The following STK32B variants were observed in gnomAD, a reference collection of about 807,000 sequenced individuals.
The protein encoded by STK32B is serine/threonine-protein kinase 32B.
STK32B carries 43 observed loss-of-function variants against 52.6 expected under a neutral mutation model. The observed-to-expected ratio is 0.82, with a 90% CI of 0.64 to 1.05. STK32B has a LOEUF of 1.05. Among genes scored for constraint, STK32B ranks in the 50% least tolerant of loss-of-function variants. The pLI, the probability that STK32B is intolerant of heterozygous loss-of-function variation, is 0.00. For missense variants in STK32B, 621 were observed against 534.6 expected (o/e 1.16, Z -1.59); for synonymous variants, 238 against 204.3 (o/e 1.17, Z -1.41).
rs549412323 is a variant in STK32B, at chr4:5,286,044, G to A, written c.261-45176G>A. On this transcript the variant is annotated intron_variant, in intron 3 of 11. Coordinates refer to ENST00000282908, the MANE Select transcript of STK32B (RefSeq NM_018401.3). ...GAGGATCATTATGTGGTGAGAAGAC[G>A]GCCGTCTACAAGCCAAGGAGAGAGG... Among the ~76,000 whole-genome samples the A allele has an allele frequency of 3.9e-5, 6 of 151,900 alleles. No individual in the cohort carries two copies. In the South Asian group the frequency reaches 1.3e-3, roughly 32 times the overall value.
intron 4 of STK32B, among the ~76,000 whole-genome samples, chr4:5,336,640 A>G (rs1732716418): frequency 6.6e-6 from 1 of 152,210 alleles, no homozygotes; most frequent in African/African-American, 2.4e-5. Context: ...CTCAAAATAT[A>G]TGCTGGAAGA....
intron 3 of STK32B, among the ~76,000 whole-genome samples, chr4:5,304,583 AT>A (rs1421616901): frequency 6.6e-6 from 1 of 151,952 alleles, no homozygotes; most frequent in Admixed American, 6.6e-5. Flanking sequence ...AGCTTTTTCG[AT>A]GAGTCTTTAG....
At chr4:5,447,000 AG>A (rs1241273734) in intron 7 of STK32B, 1 of 497,482 alleles carries the variant, frequency 2.0e-6, no homozygotes, top group Non-Finnish European at 3.7e-6. Context: ...TCAGTGGGGG[AG>A]GGTCTTACAC....
intron 3 of STK32B, among the ~76,000 whole-genome samples, chr4:5,246,121 C>T (rs1041314468): frequency 2.6e-5 from 4 of 152,128 alleles, no homozygotes; most frequent in African/African-American, 9.7e-5. Context: ...TGTTGGCCTG[C>T]CTTGCTAGAT....
In STK32B at chr4:5,140,379, T is replaced by G. The variant is rs1716346917; in HGVS notation, c.108+419T>G. The G allele has an allele frequency of 3.6e-6, 4 of 1,097,872 alleles. No homozygotes were observed. The South Asian group carries it at 8.1e-5, about 22-fold the overall frequency. The allele number at this position is 1,097,872 out of a possible 1,614,324, so 68.0% of individuals were successfully genotyped here. ...GAAGGCTAGGAGAAGATGGCAGGAG[T>G]TTTTAGAAAACAAAAATACTCCCCC... On this transcript the variant is annotated intron_variant, in intron 2 of 11. Transcript: ENST00000282908.
intron 3 of STK32B, among the ~76,000 whole-genome samples, chr4:5,328,809 A>C (rs1198695346): frequency 6.6e-6 from 1 of 152,150 alleles, no homozygotes; most frequent in Non-Finnish European, 1.5e-5. Flanking sequence ...CAGTAAAACA[A>C]GGTAGTCCTG....
intron 3 of STK32B, among the ~76,000 whole-genome samples, chr4:5,308,242 G>A (rs1213099052): frequency 1.3e-5 from 2 of 152,148 alleles, no homozygotes; most frequent in Non-Finnish European, 2.9e-5. Flanking sequence ...CACAGAGCCT[G>A]CAGCATCAGT....
rs149079205 is a variant in STK32B, at chr4:5,447,045, A to G, written c.666+269A>G. On this transcript the variant is annotated intron_variant, in intron 7 of 11. Coordinates refer to ENST00000282908, the MANE Select transcript of STK32B (RefSeq NM_018401.3). The stretch of plus-strand genomic sequence containing the variant: ...ACAGCGGATCAGTGACAAGTCAAAC[A>G]TCAAAGCGCCTTGGCCTCGTGGTTT... 1.1e-3 allele frequency: 352 copies of G among 331,392 alleles called. 1 individual carries two copies. Among genetic ancestry groups the G allele is most frequent in the Admixed American group, 2.2e-3 (51 of 23,672 alleles). The allele number at this position is 331,392 out of a possible 1,614,324, so 20.5% of individuals were successfully genotyped here. A position where few individuals can be genotyped will look rare whatever the true frequency, so the allele number is the denominator to read the frequency against.
chr4:5,420,660 C>T (rs184871567), intron 6 of STK32B, among the ~76,000 whole-genome samples: 56 of 152,200 alleles, frequency 3.7e-4, no homozygotes, highest in African/African-American at 7.2e-4. Context: ...GGCAGAGAAC[C>T]GATTCTGAGG....
At chr4:5,065,838 C>T (rs1216441939) in intron 1 of STK32B, among the ~76,000 whole-genome samples, 1 of 152,140 alleles carries the variant, frequency 6.6e-6, no homozygotes, top group African/African-American at 2.4e-5. Context: ...ATTCTCCTGC[C>T]TCAGCCTGCC....
intron 6 of STK32B, among the ~76,000 whole-genome samples, chr4:5,438,735 G>C (rs187400633): frequency 6.6e-6 from 1 of 152,244 alleles, no homozygotes; most frequent in South Asian, 2.1e-4. Context: ...TATATCTCCC[G>C]ATGCTATCCC....
intron 3 of STK32B, among the ~76,000 whole-genome samples, chr4:5,196,029 G>A (rs563955805): frequency 1.3e-5 from 2 of 152,252 alleles, no homozygotes; most frequent in East Asian, 1.9e-4. Context: ...GCCTGAGACC[G>A]GGCCTTTCAT....
At chr4:5,260,292 CAT>C (rs1726623129) in intron 3 of STK32B, among the ~76,000 whole-genome samples, 1 of 152,192 alleles carries the variant, frequency 6.6e-6, no homozygotes, top group African/African-American at 2.4e-5. Flanking sequence ...TCAAGATTTT[CAT>C]ATGTTAAACA....
chr4:5,291,070 T>C (rs920024511), intron 3 of STK32B, among the ~76,000 whole-genome samples: 2 of 152,178 alleles, frequency 1.3e-5, no homozygotes, highest in Middle Eastern at 3.2e-3. Context: ...TTTATGCCAA[T>C]GCCACACTGT....
intron 3 of STK32B, among the ~76,000 whole-genome samples, chr4:5,187,450 G>C (rs886625451): frequency 6.6e-6 from 1 of 152,180 alleles, no homozygotes; most frequent in African/African-American, 2.4e-5. Flanking sequence ...GGATGTTACT[G>C]TCTCGTTTAC....
At chr4:5,410,791 C>T (rs1198073440) in intron 5 of STK32B, among the ~76,000 whole-genome samples, 1 of 152,160 alleles carries the variant, frequency 6.6e-6, no homozygotes, top group Non-Finnish European at 1.5e-5. Context: ...GATTTGACTG[C>T]TCAAAGGTCT....
In STK32B at chr4:5,398,378, C is replaced by T; in HGVS notation, c.472+134C>T. On this transcript the variant is annotated intron_variant, in intron 5 of 11. Transcript: ENST00000282908. The surrounding 1 kb of genome is among the most constrained non-coding windows in gnomAD (Gnocchi z 4.9). ...GCTAGAAACCTTCTCTTGTTTCAATCCTGGTGGATCAACATCTGTGTAAAT... is the reference window on the plus strand; with the variant it reads ...GCTAGAAACCTTCTCTTGTTTCAATTCTGGTGGATCAACATCTGTGTAAAT... The T allele has an allele frequency of 1.1e-6, 1 of 878,722 alleles. No homozygotes were observed. 54.4% of individuals were successfully genotyped at this position (878,722 alleles called of 1,614,324 possible).
the STK32B span, among the ~76,000 whole-genome samples, chr4:5,045,397 T>C: frequency 6.6e-6 from 1 of 152,232 alleles, no homozygotes; most frequent in African/African-American, 2.4e-5. Flanking sequence ...CACTGCCTTT[T>C]AGAGTTCCTT....
chr4:5,139,928 C>T lies in STK32B; in HGVS notation c.76C>T (p.Leu26=), dbSNP rs1049064723. 1.9e-6 allele frequency: 3 copies of T among 1,613,960 alleles called. No individual in the cohort carries two copies. The highest frequency in any genetic ancestry group is 2.7e-5 in the African/African-American group (2 of 74,864). ...EEVNFDHFQI[L]RAIGKGSFGK... is the part of the protein sequence containing the mutation. ...AGTCAACTTTGACCATTTTCAGATT[C>T]TGCGGGCCATTGGTAAAGGGAGTTT... is the stretch of plus-strand genomic sequence containing the variant. The change falls in exon 2 of 12, where the codon CTG becomes TTG. Residue 26 remains leucine, a synonymous_variant. Transcript: ENST00000282908.
Sources: allele counts gnomAD v4.1 joint callset (sites outside exome capture counted in the v4.1 genomes callset), GRCh38; gene constraint gnomAD v4.1.1; non-coding constraint Gnocchi (gnomAD v3.1); transcripts MANE v1.5; gene names NCBI Gene and HGNC (gene_info 2026-07-23, HGNC 2026-07-21).